USP31: variants seen among roughly 807,000 people sequenced by gnomAD.
The protein encoded by USP31 is ubiquitin specific peptidase 31.
USP31 carries 44 observed loss-of-function variants against 119.4 expected under a neutral mutation model. That is an observed-to-expected ratio of 0.37 (90% confidence interval 0.29 to 0.47). The LOEUF (loss-of-function observed/expected upper bound fraction) is 0.47. Ranked by LOEUF, USP31 falls within the 20% of genes least tolerant of loss-of-function variation. The probability of loss-of-function intolerance (pLI) is 0.99; values close to 1 mark genes in which losing one functional copy is unlikely to be tolerated. For synonymous variants in USP31, 749 were observed against 705.6 expected, an observed-to-expected ratio of 1.06 and a Z score of -0.97; for missense variants, 1,643 against 1,730.2, an observed-to-expected ratio of 0.95 and a Z score of 0.89.
chr16:23,082,085 A>G (rs1479285408), intron 12 of USP31, among the ~76,000 whole-genome samples: 2 of 152,326 alleles, frequency 1.3e-5, no homozygotes, highest in East Asian at 3.9e-4. Context: ...ACCATACAAC[A>G]GCTTCTCAGG....
intron 15 of USP31, 61 bp downstream of exon 15, chr16:23,071,984 G>C: frequency 1.3e-6 from 2 of 1,549,636 alleles, no homozygotes; most frequent in Non-Finnish European, 1.7e-6. Context: ...AAAAACACGA[G>C]GGACTCTGCT....
At chr16:23,069,654 A>G (rs758624186) in intron 15 of USP31, 38 bp from the exon 16 acceptor site, 32 of 1,553,764 alleles carry the variant, frequency 2.1e-5, no homozygotes, top group African/African-American at 4.1e-5. Context: ...AGTTAAGCCA[A>G]TGAAGACATT....
At chr16:23,113,978 G>A (rs1416457641) in intron 1 of USP31, among the ~76,000 whole-genome samples, 2 of 152,046 alleles carry the variant, frequency 1.3e-5, no homozygotes, top group East Asian at 1.9e-4. Flanking sequence ...GGTGGTAGGC[G>A]CCTGTAATCC....
rs1370463400 is a variant in USP31, at chr16:23,148,621, G to T, written c.633+17C>A. 2 of 1,454,950 alleles carry T rather than the reference G, an allele frequency of 1.4e-6. No homozygotes were observed. The highest frequency in any genetic ancestry group is 1.8e-6 in the Non-Finnish European group (2 of 1,111,556). 90.1% of individuals were successfully genotyped at this position (1,454,950 alleles called of 1,614,324 possible). A position where few individuals can be genotyped will look rare whatever the true frequency, so the allele number is the denominator to read the frequency against. ...GGGCTCGGGGTGCAGTGGGGGCGCG[G>T]CGGCGCGCGGGCTCACCTTGAAGTC... On this transcript the variant is annotated intron_variant, in intron 1 of 15. Coordinates refer to ENST00000219689, the MANE Select transcript of USP31 (RefSeq NM_020718.4).
chr16:23,072,964 C>A (rs1312364286), intron 14 of USP31, among the ~76,000 whole-genome samples: 1 of 151,992 alleles, frequency 6.6e-6, no homozygotes, highest in Non-Finnish European at 1.5e-5. Flanking sequence ...GAACTCACCC[C>A]CTGCAAGCTT....
At chr16:23,139,950 TTTC>T (rs1903306325) in intron 1 of USP31, among the ~76,000 whole-genome samples, 1 of 152,222 alleles carries the variant, frequency 6.6e-6, no homozygotes, top group Non-Finnish European at 1.5e-5. Flanking sequence ...CTCTTGTAGT[TTTC>T]TTAATAATGT....
intron 1 of USP31, among the ~76,000 whole-genome samples, chr16:23,127,621 T>C (rs971193119): frequency 6.7e-6 from 1 of 149,574 alleles, no homozygotes; most frequent in Non-Finnish European, 1.5e-5. Flanking sequence ...TACCTACCAC[T>C]GCGCCTGGCT....
chr16:23,067,070 C>T lies in USP31; in HGVS notation c.*976G>A, dbSNP rs1900104716. On this transcript the variant is annotated 3_prime_UTR_variant, in exon 16 of 16. Coordinates refer to ENST00000219689, the MANE Select transcript of USP31 (RefSeq NM_020718.4). ...AGACACAGGGCATCGTGGAGCTTCC[C>T]ACCTCTAACGGAAAAATGCAACACC... 1 of 152,234 alleles carries T rather than the reference C, an allele frequency of 6.6e-6. No individual in the cohort carries two copies. Among genetic ancestry groups the T allele is most frequent in the Admixed American group, 6.5e-5 (1 of 15,286 alleles). The allele number at this position is 152,234 out of a possible 1,614,324, so 9.4% of individuals were successfully genotyped here. A position where few individuals can be genotyped will look rare whatever the true frequency, so the allele number is the denominator to read the frequency against.
chr16:23,143,109 A>G (rs1339027177), intron 1 of USP31, among the ~76,000 whole-genome samples: 1 of 152,190 alleles, frequency 6.6e-6, no homozygotes, highest in East Asian at 1.9e-4. Flanking sequence ...TCACTAATAA[A>G]TAAGCACCAC....
rs1900270116 is a variant in USP31, at chr16:23,069,724, G to C, written c.2489-108C>G. The C allele has an allele frequency of 2.1e-6, 3 of 1,402,498 alleles. No homozygotes were observed. The East Asian group carries it at 7.5e-5, about 35-fold the overall frequency. 86.9% of individuals were successfully genotyped at this position (1,402,498 alleles called of 1,614,324 possible). A position where few individuals can be genotyped will look rare whatever the true frequency, so the allele number is the denominator to read the frequency against. On this transcript the variant is annotated intron_variant, in intron 15 of 15. Transcript: ENST00000219689. ...AGGTAAGCCTCATGGGATGAAAGGA[G>C]CATGACCTTCAGAGCCAGCCCATCT...
At position 23,068,003 on chromosome 16, in the gene USP31, A is replaced by G; in HGVS notation, c.*43T>C. 6.4e-7 allele frequency: 1 copy of G among 1,551,618 alleles called. No homozygotes were observed. The highest frequency in any genetic ancestry group is 1.4e-5 in the African/African-American group (1 of 72,610). Reference sequence around the variant, plus strand: ...TGGTGGGAGGGCAGGGGTTCTAAATAAATAAACATCTTTACAGATAAAACA... The same window carrying G: ...TGGTGGGAGGGCAGGGGTTCTAAATGAATAAACATCTTTACAGATAAAACA... On this transcript the variant is annotated 3_prime_UTR_variant, in exon 16 of 16. Transcript: ENST00000219689.
chr16:23,124,805 C>T (rs186781181), intron 1 of USP31, among the ~76,000 whole-genome samples: 2 of 152,272 alleles, frequency 1.3e-5, no homozygotes, highest in Admixed American at 6.5e-5. Context: ...AGGAGAATTG[C>T]TTGAACCCGG....
intron 1 of USP31, among the ~76,000 whole-genome samples, chr16:23,121,403 G>A (rs1302267788): frequency 1.3e-5 from 2 of 152,138 alleles, no homozygotes; most frequent in East Asian, 3.9e-4. Context: ...GCTCATCCTG[G>A]CTCCAGTCTT....
chr16:23,073,602 C>T (rs1029371640), intron 14 of USP31, 120 bp downstream of exon 14: 37 of 1,248,084 alleles, frequency 3.0e-5, no homozygotes, highest in East Asian at 1.5e-4. Flanking sequence ...TAAATGGAAA[C>T]GTAAGGATTC....
Position 23,149,233 on chromosome 16 carries a change from G to A in USP31, c.38C>T (p.Ala13Val), listed in dbSNP as rs2141911362. 5 of 1,126,718 alleles carry A rather than the reference G, an allele frequency of 4.4e-6. No individual in the cohort carries two copies. The highest frequency in any genetic ancestry group is 5.4e-6 in the Non-Finnish European group (5 of 919,560). 69.8% of individuals were successfully genotyped at this position (1,126,718 alleles called of 1,614,324 possible). A position where few individuals can be genotyped will look rare whatever the true frequency, so the allele number is the denominator to read the frequency against. ...KVTAPGSGPPAAASGKEKRSF... is the reference protein window; with the variant it reads ...KVTAPGSGPPVAASGKEKRSF... ...GCGCTTCTCCTTCCCGCTCGCCGCC[G>A]CCGGCGGCCCGGACCCAGGCGCCGT... The change falls in exon 1 of 16, where the codon GCG becomes GTG. Residue 13 changes from alanine to valine, a missense_variant. Coordinates refer to ENST00000219689, the MANE Select transcript of USP31 (RefSeq NM_020718.4).
At chr16:23,117,947 T>A (rs754975134) in intron 1 of USP31, among the ~76,000 whole-genome samples, 7 of 151,930 alleles carry the variant, frequency 4.6e-5, no homozygotes, top group Non-Finnish European at 7.4e-5. Flanking sequence ...CGCCACCACG[T>A]CCTGCTAATT....
intron 1 of USP31, among the ~76,000 whole-genome samples, chr16:23,129,047 G>A (rs1902951019): frequency 6.6e-6 from 1 of 152,040 alleles, no homozygotes; most frequent in Non-Finnish European, 1.5e-5. Context: ...TAATGGGGCT[G>A]GTCTTACATA....
intron 12 of USP31, 59 bp downstream of exon 12, chr16:23,082,379 A>G: frequency 1.2e-5 from 20 of 1,603,224 alleles, no homozygotes; most frequent in Non-Finnish European, 1.6e-5. Context: ...GCCCATCAGC[A>G]GGGGGCATAA....
chr16:23,085,775 ATCT>A, intron 9 of USP31, 113 bp from the exon 10 acceptor site: 1 of 959,968 alleles, frequency 1.0e-6, no homozygotes. Context: ...ATTAATGAAA[ATCT>A]TCATCATAGT....
Sources: allele counts gnomAD v4.1 joint callset (sites outside exome capture counted in the v4.1 genomes callset), GRCh38; gene constraint gnomAD v4.1.1; transcripts MANE v1.5; gene names NCBI Gene and HGNC (gene_info 2026-07-23, HGNC 2026-07-21).